The following WDR59 variants were observed in gnomAD, a reference collection of about 807,000 sequenced individuals.
WDR59 encodes the protein GATOR2 complex protein WDR59.
WDR59 carries 100 observed loss-of-function variants against 131.2 expected under a neutral mutation model. The ratio of observed to expected loss-of-function variants is 0.76; its 90% CI spans 0.65 to 0.90. The LOEUF is 0.90. WDR59 is among the 40% of genes least tolerant of loss of function. The pLI is 0.00. For synonymous variants in WDR59, 601 were observed against 466.2 expected (o/e 1.29, Z -3.72); for missense variants, 1,203 against 1,262.2 (o/e 0.95, Z 0.71).
At chr16:74,947,096 T>C (rs1313908299) in intron 6 of WDR59, among the ~76,000 whole-genome samples, 2 of 152,218 alleles carry the variant, frequency 1.3e-5, no homozygotes, top group Non-Finnish European at 2.9e-5. Context: ...CAGTTCCAAC[T>C]AAGCAATGAA....
At chr16:74,908,689 A>T in intron 17 of WDR59, 1 of 413,678 alleles carries the variant, frequency 2.4e-6, no homozygotes, top group Non-Finnish European at 4.3e-6. Context: ...AGCTTTTATC[A>T]AGCTACCTCT....
chr16:74,896,426 C>T (rs1965300328), intron 18 of WDR59, among the ~76,000 whole-genome samples: 1 of 152,118 alleles, frequency 6.6e-6, no homozygotes. Context: ...GCCAGGAGTT[C>T]GAGACCAGCC....
chr16:74,966,127 C>T (rs1443284963), intron 1 of WDR59, among the ~76,000 whole-genome samples: 1 of 152,132 alleles, frequency 6.6e-6, no homozygotes, highest in Non-Finnish European at 1.5e-5. Context: ...GACAATAGGG[C>T]AGTTGCTACC....
intron 6 of WDR59, among the ~76,000 whole-genome samples, chr16:74,944,132 C>T (rs985331540): frequency 3.9e-5 from 6 of 152,140 alleles, no homozygotes; most frequent in African/African-American, 1.4e-4. Flanking sequence ...TCCCAAGGGA[C>T]TCTGGGAAGC....
intron 18 of WDR59, among the ~76,000 whole-genome samples, chr16:74,900,244 T>C (rs1447039068): frequency 1.3e-5 from 2 of 150,584 alleles, no homozygotes; most frequent in Non-Finnish European, 3.0e-5. Context: ...GTTTGGGGGG[T>C]GATGAGGGAA....
chr16:74,929,275 CTG>C (rs2031164576), intron 8 of WDR59, among the ~76,000 whole-genome samples: 2 of 152,174 alleles, frequency 1.3e-5, no homozygotes, highest in Non-Finnish European at 2.9e-5. Flanking sequence ...CGGGGTTTCA[CTG>C]TGTTAGCCAG....
At chr16:74,963,502 T>A (rs1196958328) in intron 2 of WDR59, among the ~76,000 whole-genome samples, 1 of 151,678 alleles carries the variant, frequency 6.6e-6, no homozygotes, top group East Asian at 1.9e-4. Context: ...GAAAACCAAA[T>A]ACTACATGTT....
Position 74,985,055 on chromosome 16 carries a change from C to A in WDR59, c.-38G>T. ...GCCGCCGCGGCCCCAGGACGGCGCC[C>A]TCCCACCCCGCCGTCCCCAGTATCC... On this transcript the variant is annotated 5_prime_UTR_variant, in exon 1 of 26. In the 5' UTR this introduces an upstream ATG that the reference lacks. Coordinates refer to ENST00000262144, the MANE Select transcript of WDR59 (RefSeq NM_030581.4). The A allele has an allele frequency of 6.5e-7, 1 of 1,541,804 alleles. No individual in the cohort carries two copies. Among genetic ancestry groups the A allele is most frequent in the Non-Finnish European group, 8.8e-7 (1 of 1,137,958 alleles).
At chr16:74,938,936 G>C (rs1465069483) in intron 7 of WDR59, among the ~76,000 whole-genome samples, 2 of 152,078 alleles carry the variant, frequency 1.3e-5, no homozygotes, top group Admixed American at 6.6e-5. Context: ...GCTTCAACAA[G>C]AGGGTAAAAC....
At chr16:74,899,617 G>T in intron 18 of WDR59, 1 of 1,176,806 alleles carries the variant, frequency 8.5e-7, no homozygotes, top group Non-Finnish European at 1.1e-6. Context: ...GTTCCTCAAA[G>T]CCAGGCAGGT....
Position 74,923,916 on chromosome 16 carries a change from GCTCA to G in WDR59, c.729+6_729+9del, listed in dbSNP as rs1362900179. 5 of 1,612,138 alleles carry G rather than the reference GCTCA, an allele frequency of 3.1e-6. No homozygotes were observed. The African/African-American group carries it at 5.3e-5, about 17-fold the overall frequency. ...AAGTTTCTTATCAAGAGGCAGGGTG[GCTCA>G]CTCACTGTGTATCTGGCCTTCCAGA... is the stretch of plus-strand genomic sequence containing the variant. On this transcript the variant is annotated splice_donor_region_variant and intron_variant, in intron 9 of 25. Transcript: ENST00000262144.
intron 3 of WDR59, among the ~76,000 whole-genome samples, chr16:74,952,613 T>A (rs1383059080): frequency 1.3e-5 from 2 of 151,610 alleles, no homozygotes; most frequent in Non-Finnish European, 2.9e-5. Context: ...ACAGCTACAA[T>A]AGAAAAATAA....
rs146873998 is a variant in WDR59, at chr16:74,983,741, T to G, written c.54+1223A>C. 7.0e-4 allele frequency among the ~76,000 whole-genome samples: 106 copies of G among 152,006 alleles called. 2 individuals carry two copies. In the East Asian group the frequency reaches 0.019, roughly 27 times the overall value. On this transcript the variant is annotated intron_variant, in intron 1 of 25. Coordinates refer to ENST00000262144, the MANE Select transcript of WDR59 (RefSeq NM_030581.4). ...CTGTAATCCCAACACTTTGGGACGC[T>G]GAGGCAGGGGGTTCGCTTGAGCCCA... is the stretch of plus-strand genomic sequence containing the variant.
At chr16:74,880,437 ACT>A (rs1333881617) in intron 25 of WDR59, among the ~76,000 whole-genome samples, 1 of 152,004 alleles carries the variant, frequency 6.6e-6, no homozygotes, top group Non-Finnish European at 1.5e-5. Flanking sequence ...ACAGAGTGAG[ACT>A]CTGTCTCCAA....
Position 74,917,763 on chromosome 16 carries a change from C to T in WDR59, c.966+166G>A, listed in dbSNP as rs146219826. ...GGCAGAGGTTGCAGTGAGCCAAGAT[C>T]GTGCCACTGCACTCCAGCCTGGGCG... On this transcript the variant is annotated intron_variant, in intron 11 of 25. Coordinates refer to ENST00000262144, the MANE Select transcript of WDR59 (RefSeq NM_030581.4). Among the ~76,000 whole-genome samples the T allele has an allele frequency of 7.4e-3, 1,024 of 138,972 alleles. 11 individuals carry two copies. Among genetic ancestry groups the T allele is most frequent in the African/African-American group, 0.026 (969 of 37,180 alleles). 91.2% of individuals were successfully genotyped at this position (138,972 alleles called of 152,430 possible).
Position 74,947,470 on chromosome 16 carries a change from C to T in WDR59, c.445+1049G>A, listed in dbSNP as rs554759988. On this transcript the variant is annotated intron_variant, in intron 6 of 25. Transcript: ENST00000262144. Reference sequence around the variant, plus strand: ...GATGAACTATTGCTTTAATAAACTACAGGAAAAGAAAAACACAAACCCAAA... The same window carrying T: ...GATGAACTATTGCTTTAATAAACTATAGGAAAAGAAAAACACAAACCCAAA... Among the ~76,000 whole-genome samples, 7 of 152,158 alleles carry T rather than the reference C, an allele frequency of 4.6e-5. No individual in the cohort carries two copies. The South Asian group carries it at 8.3e-4, about 18-fold the overall frequency.
intron 6 of WDR59, 109 bp from the exon 7 acceptor site, chr16:74,942,935 A>G: frequency 1.1e-6 from 1 of 946,442 alleles, no homozygotes; most frequent in Non-Finnish European, 1.6e-6. Flanking sequence ...TAAGCCCAGA[A>G]CCCTTCAAGT....
At chr16:74,923,190 T>C (rs2030425407) in intron 9 of WDR59, among the ~76,000 whole-genome samples, 1 of 152,216 alleles carries the variant, frequency 6.6e-6, no homozygotes, top group South Asian at 2.1e-4. Flanking sequence ...ACTATTCATA[T>C]TCTACAGTAA....
intron 6 of WDR59, among the ~76,000 whole-genome samples, chr16:74,946,943 C>T (rs893585024): frequency 1.3e-5 from 2 of 152,050 alleles, no homozygotes; most frequent in Admixed American, 6.6e-5. Context: ...ACAGATAACA[C>T]ATGCTTTTAT....
Sources: allele counts gnomAD v4.1 joint callset (sites outside exome capture counted in the v4.1 genomes callset), GRCh38; gene constraint gnomAD v4.1.1; transcripts MANE v1.5; gene names NCBI Gene and HGNC (gene_info 2026-07-23, HGNC 2026-07-21).